Variants in LCP2 observed in about 807,000 individuals in gnomAD.
LCP2 encodes the protein lymphocyte cytosolic protein 2, also known as 76 kDa tyrosine phosphoprotein.
A neutral mutation model predicts 74.5 loss-of-function variants in LCP2; 29 were observed. The observed-to-expected ratio is 0.39, with a 90% confidence interval of 0.29 to 0.53. LCP2 has a LOEUF of 0.53. LCP2 is among the 20% of genes least tolerant of loss of function. LCP2 has a pLI of 0.72. For synonymous variants in LCP2, 228 were observed against 229.5 expected (o/e 0.99, Z 0.06); for missense variants, 604 against 634.6 (o/e 0.95, Z 0.52).
intron 3 of LCP2, 56 bp from the exon 4 acceptor site, chr5:170,275,916 C>T (rs968033545): frequency 2.1e-6 from 3 of 1,448,494 alleles, no homozygotes; most frequent in Non-Finnish European, 9.5e-7. Flanking sequence ...CTCAACCTTC[C>T]CCCTGACCCT....
rs1761643558 is a variant in LCP2 at position 170,261,193 on chromosome 5, A to T, written c.927-56T>A. On this transcript the variant is annotated intron_variant, in intron 13 of 20. Transcript: ENST00000046794. ...TGAGCATGAAGAGTTTCAAAGAGCC[A>T]GCCTTAGAATACAGTTTTGCTTCAT... 3.9e-5 allele frequency: 52 copies of T among 1,331,744 alleles called. 1 individual carries two copies. In the South Asian group the frequency reaches 6.3e-4, roughly 16 times the overall value. 82.5% of individuals were successfully genotyped at this position (1,331,744 alleles called of 1,614,324 possible). A position where few individuals can be genotyped will look rare whatever the true frequency, so the allele number is the denominator to read the frequency against.
At chr5:170,287,322 T>C (rs1036981159) in intron 3 of LCP2, among the ~76,000 whole-genome samples, 1 of 152,262 alleles carries the variant, frequency 6.6e-6, no homozygotes, top group Non-Finnish European at 1.5e-5. Flanking sequence ...CTTTGTGTTT[T>C]CAACCTGACC....
At chr5:170,264,921 G>T (rs1276156722) in intron 10 of LCP2, among the ~76,000 whole-genome samples, 1 of 151,678 alleles carries the variant, frequency 6.6e-6, no homozygotes, top group Admixed American at 6.6e-5. Flanking sequence ...CTTTAGAGGG[G>T]CACCCAGGAA....
At chr5:170,278,313 GT>G in intron 3 of LCP2, among the ~76,000 whole-genome samples, 1 of 102,990 alleles carries the variant, frequency 9.7e-6, no homozygotes, top group African/African-American at 4.1e-5. Flanking sequence ...CACATGCAGA[GT>G]GGGGGGCTGG....
At chr5:170,270,066 A>G in intron 7 of LCP2, among the ~76,000 whole-genome samples, 1 of 152,124 alleles carries the variant, frequency 6.6e-6, no homozygotes, top group East Asian at 1.9e-4. Flanking sequence ...ATATTTGTTT[A>G]TTTTCTGTCA....
In LCP2 at chr5:170,253,142, G is replaced by A. The variant is rs202102953; in HGVS notation, c.1222C>T (p.Pro408Ser). ...FPLPLPNKPR[P>S]PSPAEEENSL... Reference sequence around the variant, plus strand: ...ACCTCTTCCTCCGCGGGGGATGGGGGCCGAGGTTTGTTTGGAAGTGGCAAG... The same window carrying A: ...ACCTCTTCCTCCGCGGGGGATGGGGACCGAGGTTTGTTTGGAAGTGGCAAG... The change falls in exon 18 of 21, where the codon CCC becomes TCC. Residue 408 changes from proline (P) to serine (S), a missense_variant. Physicochemically the swap from Pro to Ser is moderately conservative, Grantham distance 74. Transcript: ENST00000046794. 5.6e-6 allele frequency: 9 copies of A among 1,611,138 alleles called. No individual in the cohort carries two copies. The highest frequency in any genetic ancestry group is 7.6e-6 in the Non-Finnish European group (9 of 1,178,506).
At chr5:170,267,966 G>A (rs1422924894) in intron 8 of LCP2, among the ~76,000 whole-genome samples, 2 of 152,140 alleles carry the variant, frequency 1.3e-5, no homozygotes, top group African/African-American at 2.4e-5. Flanking sequence ...CTGTATGCTC[G>A]AAGAAGGAGA....
rs746159185 is a variant in LCP2, at chr5:170,250,785, C to T, written c.1424G>A (p.Arg475His). The stretch of plus-strand genomic sequence containing the variant: ...GTAAACTTGACTTTCCTTCTGATAA[C>T]GGATCTGGATGTTGTAAACTTTATC... ...YKDKVYNIQI[R>H]YQKESQVYLL... The change falls in exon 20 of 21, where the codon CGT becomes CAT. Residue 475 changes from arginine to histidine, a missense_variant. Physicochemically the swap from Arg to His is conservative, Grantham distance 29. Transcript: ENST00000046794. The T allele has an allele frequency of 4.3e-6, 7 of 1,612,790 alleles. No homozygotes were observed. The highest frequency in any genetic ancestry group is 1.1e-5 in the South Asian group (1 of 91,064).
At position 170,294,760 on chromosome 5, in the gene LCP2, G is replaced by T. The variant is rs73800606; in HGVS notation, c.79-1388C>A. On this transcript the variant is annotated intron_variant, in intron 1 of 20. Coordinates refer to ENST00000046794, the MANE Select transcript of LCP2 (RefSeq NM_005565.5). ...TATCCCCTTTATCTACAGGCAGTGG[G>T]GGGTAAGTGGTTCTTGGAAGAGTCA... Among the ~76,000 whole-genome samples the T allele has an allele frequency of 6.5e-3, 993 of 152,316 alleles. 11 individuals are homozygous for T. Among genetic ancestry groups the T allele is most frequent in the African/African-American group, 0.023 (955 of 41,560 alleles).
chr5:170,281,823 G>A (rs1762110689), intron 3 of LCP2, among the ~76,000 whole-genome samples: 2 of 152,198 alleles, frequency 1.3e-5, no homozygotes, highest in African/African-American at 4.8e-5. Context: ...AGCAGAAAGA[G>A]CATCATCCAA....
At chr5:170,270,354 A>G (rs1022130192) in intron 7 of LCP2, 1 of 197,350 alleles carries the variant, frequency 5.1e-6, no homozygotes, top group Non-Finnish European at 1.0e-5. Context: ...ATGGGGAGGA[A>G]CAGGAAAGTA....
chr5:170,254,395 C>T (rs1374128100), intron 17 of LCP2, among the ~76,000 whole-genome samples: 1 of 152,154 alleles, frequency 6.6e-6, no homozygotes, highest in Admixed American at 6.5e-5. Context: ...AGGAGAGTCA[C>T]CTGTAAGGGC....
At chr5:170,285,909 T>C (rs1762175779) in intron 3 of LCP2, among the ~76,000 whole-genome samples, 1 of 152,170 alleles carries the variant, frequency 6.6e-6, no homozygotes. Context: ...TCAACTCAAG[T>C]CGTCCACCAG....
chr5:170,256,555 C>G lies in LCP2; in HGVS notation c.1121G>C (p.Ser374Thr). The G allele has an allele frequency of 6.2e-7, 1 of 1,613,260 alleles. No homozygotes were observed. Among genetic ancestry groups the G allele is most frequent in the Non-Finnish European group, 8.5e-7 (1 of 1,179,284 alleles). The change falls in exon 17 of 21, where the codon AGT (serine) becomes ACT (threonine). Residue 374 changes from serine (S) to threonine (T), a missense_variant. Coordinates refer to ENST00000046794, the MANE Select transcript of LCP2 (RefSeq NM_005565.5). The surrounding 1 kb of genome is among the most constrained non-coding windows in gnomAD (Gnocchi z 4.5). ...FSESNSSFPQ[S>T]ASLPPYFSQG... is the part of the protein sequence containing the mutation. ...AGAGAAGTATGGTGGCAGGGAGGCACTCTGTGGAAAACTGCTGTTACTGAG... is the reference window on the plus strand; with the variant it reads ...AGAGAAGTATGGTGGCAGGGAGGCAGTCTGTGGAAAACTGCTGTTACTGAG...
intron 3 of LCP2, among the ~76,000 whole-genome samples, chr5:170,277,508 G>A (rs1762026861): frequency 6.6e-6 from 1 of 152,044 alleles, no homozygotes; most frequent in African/African-American, 2.4e-5. Flanking sequence ...AGCACTTTGG[G>A]AGGCTGAGGT....
chr5:170,280,991 T>C (rs2113199307), intron 3 of LCP2, among the ~76,000 whole-genome samples: 1 of 151,826 alleles, frequency 6.6e-6, no homozygotes, highest in Non-Finnish European at 1.5e-5. Context: ...GCAACAAGAG[T>C]GAAACTCCAA....
intron 2 of LCP2, 136 bp from the exon 3 acceptor site, chr5:170,288,152 C>G: frequency 1.3e-6 from 1 of 769,402 alleles, no homozygotes; most frequent in Non-Finnish European, 2.1e-6. Flanking sequence ...GCCCTGCCCA[C>G]CCACCCTCCC....
chr5:170,268,831 A>T (rs1473916351), intron 7 of LCP2, among the ~76,000 whole-genome samples: 3 of 74,724 alleles, frequency 4.0e-5, no homozygotes, highest in East Asian at 1.3e-3. Context: ...AAGTAAACAT[A>T]CGCATACCTC....
At chr5:170,253,036 A>G (rs770672260) in intron 18 of LCP2, 83 bp downstream of exon 18, 27 of 830,112 alleles carry the variant, frequency 3.3e-5, no homozygotes, top group Non-Finnish European at 5.1e-5. Flanking sequence ...ATAAAAGTAC[A>G]GAAGAACATT....
Sources: allele counts gnomAD v4.1 joint callset (sites outside exome capture counted in the v4.1 genomes callset), GRCh38; gene constraint gnomAD v4.1.1; non-coding constraint Gnocchi (gnomAD v3.1); transcripts MANE v1.5; gene names NCBI Gene and HGNC (gene_info 2026-07-23, HGNC 2026-07-21).